Variants in SEZ6L observed in about 807,000 individuals in gnomAD.
SEZ6L encodes the protein seizure related 6 homolog like, also known as seizure 6-like protein.
SEZ6L carries 37 observed loss-of-function variants against 106.2 expected under a neutral mutation model. That is an observed-to-expected ratio of 0.35 (90% CI 0.27 to 0.46). The LOEUF is 0.46. Ranked by LOEUF, SEZ6L falls within the 20% of genes least tolerant of loss-of-function variation. The pLI is 1.00. For missense variants in SEZ6L, 1,172 were observed against 1,332.8 expected, an observed-to-expected ratio of 0.88 and a Z score of 1.88; for synonymous variants, 541 against 570.4, an observed-to-expected ratio of 0.95 and a Z score of 0.73.
intron 1 of SEZ6L, among the ~76,000 whole-genome samples, chr22:26,214,790 A>C (rs576103650): frequency 6.6e-6 from 1 of 152,206 alleles, no homozygotes; most frequent in African/African-American, 2.4e-5. Context: ...TAGAAAACAC[A>C]GAATTATGAC....
intron 1 of SEZ6L, among the ~76,000 whole-genome samples, chr22:26,191,145 C>A (rs906931895): frequency 3.9e-5 from 6 of 152,124 alleles, no homozygotes; most frequent in Non-Finnish European, 8.8e-5. Flanking sequence ...CTCTAAGAGG[C>A]AAACATTTAA....
chr22:26,240,580 T>C (rs929895868), intron 1 of SEZ6L, among the ~76,000 whole-genome samples: 2 of 152,158 alleles, frequency 1.3e-5, no homozygotes, highest in Non-Finnish European at 2.9e-5. Context: ...AATTAAATAA[T>C]AATGTTATAT....
intron 4 of SEZ6L, among the ~76,000 whole-genome samples, chr22:26,298,358 A>G (rs897139644): frequency 7.9e-5 from 12 of 152,176 alleles, no homozygotes; most frequent in African/African-American, 2.9e-4. Flanking sequence ...GTATGTCCCC[A>G]TGCACCCTTT....
chr22:26,254,520 C>T (rs1320277335), intron 1 of SEZ6L, among the ~76,000 whole-genome samples: 6 of 152,008 alleles, frequency 3.9e-5, no homozygotes, highest in Admixed American at 2.0e-4. Flanking sequence ...TGGGAGGCCA[C>T]GGCGGGAGGA....
In SEZ6L at chr22:26,311,891, A is replaced by G. The variant is rs1474145489; in HGVS notation, c.1805A>G (p.Gln602Arg). ...FTCDPGHSLEQGPAIIECINV... is the reference protein window; with the variant it reads ...FTCDPGHSLERGPAIIECINV... ...TGCGACCCCGGCCACTCCCTGGAGC[A>G]GGGCCCGGCCATCATCGAATGCATC... Residue 602 changes from glutamine to arginine, a missense_variant, in exon 8 of 17, where the codon CAG becomes CGG. Gln to Arg is a conservative substitution (Grantham distance 43, BLOSUM62 1). Around this residue, in one of 4 missense-constraint regions of SEZ6L, gnomAD observed 534 missense variants for 691.0 expected, o/e 0.77. Transcript: ENST00000248933. 1 of 1,614,212 alleles carries G rather than the reference A, an allele frequency of 6.2e-7. No homozygotes were observed. The highest frequency in any genetic ancestry group is 8.5e-7 in the Non-Finnish European group (1 of 1,180,032).
chr22:26,193,514 G>A (rs867292132), intron 1 of SEZ6L, among the ~76,000 whole-genome samples: 3 of 152,012 alleles, frequency 2.0e-5, no homozygotes, highest in Admixed American at 6.6e-5. Context: ...AAATGAGAAC[G>A]GTATGCTTTT....
intron 5 of SEZ6L, among the ~76,000 whole-genome samples, chr22:26,302,910 G>T (rs1394952032): frequency 1.3e-5 from 2 of 152,230 alleles, no homozygotes; most frequent in African/African-American, 4.8e-5. Context: ...ACCAGGGACA[G>T]TGTCCTCCAT....
chr22:26,365,739 C>A (rs1004422766), intron 13 of SEZ6L, among the ~76,000 whole-genome samples, 173 bp downstream of exon 13: 9 of 151,402 alleles, frequency 5.9e-5, no homozygotes, highest in African/African-American at 2.2e-4. Flanking sequence ...TCAGGCATGG[C>A]GGCACACACC....
chr22:26,232,689 G>A (rs558836268), intron 1 of SEZ6L, among the ~76,000 whole-genome samples: 3 of 152,318 alleles, frequency 2.0e-5, no homozygotes, highest in African/African-American at 4.8e-5. Flanking sequence ...ACCATCCAGC[G>A]TAGGTGTGTA....
At chr22:26,253,936 A>G (rs575734756) in intron 1 of SEZ6L, 1 of 152,360 alleles carries the variant, frequency 6.6e-6, no homozygotes, top group African/African-American at 2.4e-5. Context: ...CTGGACGACA[A>G]AACACAAATA....
At chr22:26,323,998 A>G (rs1385930237) in intron 9 of SEZ6L, among the ~76,000 whole-genome samples, 1 of 151,932 alleles carries the variant, frequency 6.6e-6, no homozygotes, top group Non-Finnish European at 1.5e-5. Context: ...GCCCAAGGTC[A>G]CACAATTAGG....
At chr22:26,327,220 C>T (rs2023924956) in intron 9 of SEZ6L, among the ~76,000 whole-genome samples, 2 of 41,570 alleles carry the variant, frequency 4.8e-5, no homozygotes, top group African/African-American at 2.3e-4. Context: ...ATACCACACA[C>T]CACACACACA....
At chr22:26,214,374 C>A (rs958863311) in intron 1 of SEZ6L, among the ~76,000 whole-genome samples, 1 of 152,074 alleles carries the variant, frequency 6.6e-6, no homozygotes, top group African/African-American at 2.4e-5. Context: ...GCCCGGCACA[C>A]GGAAAAGAAC....
intron 1 of SEZ6L, among the ~76,000 whole-genome samples, chr22:26,184,325 T>C (rs146684735): frequency 7.5e-4 from 114 of 152,274 alleles, no homozygotes; most frequent in Non-Finnish European, 1.1e-3. Context: ...TCTACCCCAC[T>C]TCTGGGATCC....
intron 8 of SEZ6L, among the ~76,000 whole-genome samples, chr22:26,312,601 TC>T (rs2081873408): frequency 6.6e-6 from 1 of 152,104 alleles, no homozygotes; most frequent in Non-Finnish European, 1.5e-5. Context: ...CCTGCCAGTT[TC>T]CCCATATTCT....
chr22:26,227,527 C>T (rs1432748718), intron 1 of SEZ6L, among the ~76,000 whole-genome samples: 5 of 152,054 alleles, frequency 3.3e-5, no homozygotes, highest in African/African-American at 1.2e-4. Context: ...CCCACCTCAG[C>T]CTTCTGAGTA....
At chr22:26,356,818 G>A (rs748742539) in intron 12 of SEZ6L, among the ~76,000 whole-genome samples, 11 of 151,960 alleles carry the variant, frequency 7.2e-5, no homozygotes, top group Admixed American at 6.6e-4. Flanking sequence ...CAGTTAGCAC[G>A]AGCACCACAA....
chr22:26,296,788 A>G, intron 3 of SEZ6L, 100 bp from the exon 4 acceptor site: 5 of 1,023,460 alleles, frequency 4.9e-6, no homozygotes, highest in Non-Finnish European at 6.7e-6. Flanking sequence ...AGGGGCTAGC[A>G]GTACCTGGGC....
chr22:26,219,525 T>A (rs2078400119), intron 1 of SEZ6L, among the ~76,000 whole-genome samples: 2 of 152,112 alleles, frequency 1.3e-5, no homozygotes, highest in African/African-American at 2.4e-5. Context: ...CTATTTGATG[T>A]GAATCCATCT....
Sources: allele counts gnomAD v4.1 joint callset (sites outside exome capture counted in the v4.1 genomes callset), GRCh38; gene constraint gnomAD v4.1.1; regional missense constraint gnomAD v4.1.1; transcripts MANE v1.5; gene names NCBI Gene and HGNC (gene_info 2026-07-23, HGNC 2026-07-21).